Variants in SLX9 observed in about 807,000 individuals in gnomAD.
The protein encoded by SLX9 is ribosome biogenesis protein SLX9 homolog.
A neutral mutation model predicts 20.8 loss-of-function variants in SLX9; 19 were observed. That is an observed-to-expected ratio of 0.91 (90% CI 0.64 to 1.34). The LOEUF (loss-of-function observed/expected upper bound fraction) is 1.34. Ranked by LOEUF, SLX9 falls within the 40% of genes most tolerant of loss-of-function variation. SLX9 has a pLI of 0.00. For synonymous variants in SLX9, 113 were observed against 137.1 expected (o/e 0.82, Z 1.23); for missense variants, 299 against 322.2 (o/e 0.93, Z 0.55).
At chr21:44,974,115 G>C (rs2085216020) in intron 5 of SLX9, among the ~76,000 whole-genome samples, 1 of 152,252 alleles carries the variant, frequency 6.6e-6, no homozygotes, top group Non-Finnish European at 1.5e-5. Context: ...CCTCTTTGCA[G>C]ACTCAGCTCC....
intron 4 of SLX9, chr21:44,972,936 C>G (rs2085178938): frequency 1.7e-6 from 1 of 574,214 alleles, no homozygotes; most frequent in Non-Finnish European, 3.1e-6. Context: ...CACGGAGCAG[C>G]TTGGGGCCCG....
chr21:44,970,900 T>TCCCAACCCAGTC (rs2085131250), intron 4 of SLX9, among the ~76,000 whole-genome samples: 1 of 151,534 alleles, frequency 6.6e-6, no homozygotes, highest in African/African-American at 2.4e-5. Flanking sequence ...CCAACCCAGC[T>TCCCAACCCAGTC]CCCTCAATCC....
intron 2 of SLX9, among the ~76,000 whole-genome samples, chr21:44,958,631 C>G (rs370164856): frequency 7.9e-5 from 12 of 152,354 alleles, no homozygotes; most frequent in African/African-American, 2.6e-4. Context: ...GAAGGGGGAG[C>G]AGGCGTGAAC....
At chr21:44,947,635 C>T (rs1445904172) in intron 2 of SLX9, among the ~76,000 whole-genome samples, 1 of 148,670 alleles carries the variant, frequency 6.7e-6, no homozygotes, top group Non-Finnish European at 1.5e-5. Flanking sequence ...TCAAGCCCTT[C>T]GGATCCCAGC....
At chr21:44,960,065 C>T in intron 2 of SLX9, 35 bp from the exon 3 acceptor site, 4 of 1,602,712 alleles carry the variant, frequency 2.5e-6, no homozygotes, top group Non-Finnish European at 3.4e-6. Context: ...GCCACCTGGA[C>T]ACGTTTTGCT....
chr21:44,969,658 C>T (rs1568945297), intron 4 of SLX9, among the ~76,000 whole-genome samples: 3 of 152,236 alleles, frequency 2.0e-5, no homozygotes, highest in Admixed American at 6.5e-5. Context: ...GCAGCTCCCC[C>T]GTCCCCGCAT....
At chr21:44,960,205 C>T (rs1693603929) in intron 3 of SLX9, 37 bp downstream of exon 3, 1 of 1,598,432 alleles carries the variant, frequency 6.3e-7, no homozygotes, top group Non-Finnish European at 8.6e-7. Flanking sequence ...AGCTGCCGGC[C>T]CAAGTCCCAT....
At chr21:44,953,938 A>G (rs2084807312) in intron 2 of SLX9, among the ~76,000 whole-genome samples, 1 of 152,152 alleles carries the variant, frequency 6.6e-6, no homozygotes, top group African/African-American at 2.4e-5. Flanking sequence ...TGACCATGCC[A>G]TGTATGGGGA....
At chr21:44,964,334 C>T (rs2084995837) in intron 3 of SLX9, among the ~76,000 whole-genome samples, 1 of 152,014 alleles carries the variant, frequency 6.6e-6, no homozygotes. Context: ...GATTTTTTCC[C>T]TCAATTTGCT....
At chr21:44,943,608 A>T in intron 1 of SLX9, 76 bp from the exon 2 acceptor site, 1 of 1,566,634 alleles carries the variant, frequency 6.4e-7, no homozygotes, top group Non-Finnish European at 8.7e-7. Flanking sequence ...TCTTCTCCTC[A>T]CCTTTAACGT....
At chr21:44,939,721 A>G (rs554412724), upstream of SLX9, 46 of 484,910 alleles carry the variant, frequency 9.5e-5, no homozygotes, top group African/African-American at 8.6e-4. Flanking sequence ...TAGAATTTTA[A>G]AAAGGCCATC....
intron 3 of SLX9, among the ~76,000 whole-genome samples, chr21:44,964,032 C>G (rs2084991072): frequency 6.6e-6 from 1 of 152,202 alleles, no homozygotes; most frequent in African/African-American, 2.4e-5. Flanking sequence ...AGCAGATCTT[C>G]AAATTCATGA....
At chr21:44,950,485 G>A (rs997054917) in intron 2 of SLX9, among the ~76,000 whole-genome samples, 3 of 152,190 alleles carry the variant, frequency 2.0e-5, no homozygotes, top group African/African-American at 4.8e-5. Flanking sequence ...GGAGTGGTGC[G>A]CCTTCTTACC....
chr21:44,943,683 G>A lies in SLX9; in HGVS notation c.130-1G>A. The A allele has an allele frequency of 1.9e-6, 3 of 1,614,002 alleles. No homozygotes were observed. Among genetic ancestry groups the A allele is most frequent in the Non-Finnish European group, 2.5e-6 (3 of 1,179,896 alleles). On this transcript the variant is annotated splice_acceptor_variant, in intron 1 of 5. Coordinates refer to ENST00000291634, the MANE Select transcript of SLX9 (RefSeq NM_058190.4). LOFTEE classifies it high-confidence loss of function. ...TCGTCCGTTTTTGTTGGGGACATTAGGACTGGGCGTTCATCAACACCAACA... is the reference window on the plus strand; with the variant it reads ...TCGTCCGTTTTTGTTGGGGACATTAAGACTGGGCGTTCATCAACACCAACA...
chr21:44,959,166 G>T, intron 2 of SLX9: 14 of 979,988 alleles, frequency 1.4e-5, no homozygotes, highest in Non-Finnish European at 1.7e-5. Context: ...CTGAAATGCA[G>T]AGCGCAGCGA....
At chr21:44,946,546 C>T (rs921510882) in intron 2 of SLX9, among the ~76,000 whole-genome samples, 7 of 152,222 alleles carry the variant, frequency 4.6e-5, no homozygotes, top group African/African-American at 1.7e-4. Context: ...GTGCACTGCC[C>T]ATGGCTGTGA....
intron 1 of SLX9, 101 bp from the exon 2 acceptor site, chr21:44,943,583 G>C: frequency 6.7e-7 from 1 of 1,490,192 alleles, no homozygotes; most frequent in Non-Finnish European, 9.1e-7. Context: ...GGGGAATCCA[G>C]GTTCTTGTCT....
intron 1 of SLX9, among the ~76,000 whole-genome samples, chr21:44,943,284 A>G (rs1046312328): frequency 6.6e-6 from 1 of 152,328 alleles, no homozygotes; most frequent in Non-Finnish European, 1.5e-5. Flanking sequence ...GAGCTGAAAG[A>G]GCTGTCAGGC....
At chr21:44,961,163 G>C (rs2084943746) in intron 3 of SLX9, among the ~76,000 whole-genome samples, 2 of 152,080 alleles carry the variant, frequency 1.3e-5, no homozygotes, top group Non-Finnish European at 2.9e-5. Flanking sequence ...ACTGGACTGT[G>C]GCCATTTGGA....
Sources: gnomAD v4.1 joint callset for allele counts (sites outside exome capture counted in the v4.1 genomes callset) on GRCh38, gnomAD v4.1.1 for gene constraint, MANE v1.5 for transcripts, NCBI Gene and HGNC (gene_info 2026-07-23, HGNC 2026-07-21) for gene names.